ZSCAN5A: variants seen among roughly 807,000 people sequenced by gnomAD.
ZSCAN5A encodes zinc finger and SCAN domain-containing protein 5A.
Under a neutral mutation model 23.7 loss-of-function variants are expected in ZSCAN5A, and 12 were observed. That is an observed-to-expected ratio of 0.51 (90% CI 0.32 to 0.82). The LOEUF (loss-of-function observed/expected upper bound fraction) is 0.82. Ranked by LOEUF, ZSCAN5A falls within the 40% of genes least tolerant of loss-of-function variation. The pLI, the probability that ZSCAN5A is intolerant of heterozygous loss-of-function variation, is 0.03. For missense variants in ZSCAN5A, 597 were observed against 617.9 expected, an observed-to-expected ratio of 0.97 and a Z score of 0.36; for synonymous variants, 257 against 239.9, an observed-to-expected ratio of 1.07 and a Z score of -0.66.
At chr19:56,245,433 T>G in intron 2 of ZSCAN5A, 1 of 659,022 alleles carries the variant, frequency 1.5e-6, no homozygotes, top group African/African-American at 1.8e-5. Context: ...CAGGTGAGTG[T>G]GTGAGGCCCT....
At chr19:56,226,929 C>T (rs7248173) in intron 2 of ZSCAN5A, among the ~76,000 whole-genome samples, 114,965 of 151,906 alleles carry the variant, frequency 0.76, 43,486 homozygotes, top group Middle Eastern at 0.82. Flanking sequence ...GTTCAAATTA[C>T]AAAAAAAAAT....
chr19:56,301,806 G>A lies in ZSCAN5A; in HGVS notation c.-128+11477C>T, dbSNP rs368396222. On this transcript the variant is annotated intron_variant, in intron 2 of 5. Coordinates refer to ENST00000683990, the MANE Select transcript of ZSCAN5A (RefSeq NM_001322064.3). ...TCTGGAGTATGGTGGTAACCAAGAA[G>A]GGGGAAGCTGGCAGTGATGGTGGGT... The A allele has an allele frequency of 9.9e-6, 7 of 704,300 alleles. No individual in the cohort carries two copies. In the South Asian group the frequency reaches 3.8e-4, roughly 38 times the overall value. The allele number at this position is 704,300 out of a possible 1,614,324, so 43.6% of individuals were successfully genotyped here.
chr19:56,320,275 G>A (rs113305396), intron 2 of ZSCAN5A: 3 of 463,666 alleles, frequency 6.5e-6, no homozygotes, highest in African/African-American at 2.0e-5. Context: ...CGGACATTTA[G>A]AAAGGCCAGG....
At chr19:56,260,198 A>G (rs1488639144) in intron 2 of ZSCAN5A, among the ~76,000 whole-genome samples, 1 of 150,158 alleles carries the variant, frequency 6.7e-6, no homozygotes, top group African/African-American at 2.4e-5. Context: ...TGTTTTAGTA[A>G]TTAAATATTT....
intron 2 of ZSCAN5A, among the ~76,000 whole-genome samples, chr19:56,333,519 T>G (rs2041508072): frequency 6.6e-6 from 1 of 152,066 alleles, no homozygotes; most frequent in Non-Finnish European, 1.5e-5. Flanking sequence ...TTTTGACATG[T>G]TTATCTCTTC....
At chr19:56,293,019 T>A (rs1173040194) in intron 2 of ZSCAN5A, among the ~76,000 whole-genome samples, 5 of 152,220 alleles carry the variant, frequency 3.3e-5, no homozygotes, top group Non-Finnish European at 7.3e-5. Context: ...ACTCTTCTTT[T>A]GGTCCACATT....
chr19:56,290,221 G>C (rs1244121082), intron 2 of ZSCAN5A, among the ~76,000 whole-genome samples: 1 of 152,212 alleles, frequency 6.6e-6, no homozygotes, highest in Non-Finnish European at 1.5e-5. Context: ...CAGATGGTTT[G>C]AGAACTACTG....
At chr19:56,327,118 C>T (rs868389328) in intron 2 of ZSCAN5A, among the ~76,000 whole-genome samples, 3 of 151,582 alleles carry the variant, frequency 2.0e-5, no homozygotes, top group Non-Finnish European at 2.9e-5. Flanking sequence ...GGATTTACTA[C>T]ATTCGTCATG....
Position 56,221,367 on chromosome 19 carries a change from C to G in ZSCAN5A, c.*208G>C. On this transcript the variant is annotated 3_prime_UTR_variant, in exon 6 of 6. Coordinates refer to ENST00000683990, the MANE Select transcript of ZSCAN5A (RefSeq NM_001322064.3). Reference sequence around the variant, plus strand: ...GAACAGCAACACAAACCAAAATAAACCTATAAGAAAACAATGGACATAATG... The same window carrying G: ...GAACAGCAACACAAACCAAAATAAAGCTATAAGAAAACAATGGACATAATG... 1 of 526,134 alleles carries G rather than the reference C, an allele frequency of 1.9e-6. No homozygotes were observed. Among genetic ancestry groups the G allele is most frequent in the Middle Eastern group, 3.9e-4 (1 of 2,582 alleles). The allele number at this position is 526,134 out of a possible 1,614,324, so 32.6% of individuals were successfully genotyped here.
chr19:56,295,520 G>A (rs1187486711), intron 2 of ZSCAN5A, among the ~76,000 whole-genome samples: 4 of 151,992 alleles, frequency 2.6e-5, no homozygotes, highest in African/African-American at 7.3e-5. Context: ...GCTTGAACCC[G>A]GGAGGCAGAA....
At chr19:56,251,865 G>T (rs553276262) in intron 2 of ZSCAN5A, among the ~76,000 whole-genome samples, 3 of 152,244 alleles carry the variant, frequency 2.0e-5, no homozygotes, top group East Asian at 3.9e-4. Context: ...ACCTGGGCAA[G>T]AATTGTTTTT....
intron 1 of ZSCAN5A, among the ~76,000 whole-genome samples, chr19:56,367,573 A>C (rs548941702): frequency 6.6e-6 from 1 of 152,282 alleles, no homozygotes; most frequent in South Asian, 2.1e-4. Context: ...GAATCAAATG[A>C]CCTAAAAGCC....
intron 2 of ZSCAN5A, chr19:56,302,922 G>T (rs1452897102): frequency 5.0e-6 from 2 of 398,424 alleles, no homozygotes; most frequent in African/African-American, 4.1e-5. Flanking sequence ...TCCTAATTCT[G>T]TAAGGGAGGC....
At chr19:56,279,313 T>G (rs895423853) in intron 2 of ZSCAN5A, among the ~76,000 whole-genome samples, 2 of 152,136 alleles carry the variant, frequency 1.3e-5, no homozygotes, top group Admixed American at 1.3e-4. Flanking sequence ...ACTGCAAGAC[T>G]GTAAGTTCCT....
At chr19:56,361,512 G>GT (rs543608398) in intron 2 of ZSCAN5A, among the ~76,000 whole-genome samples, 274 of 152,258 alleles carry the variant, frequency 1.8e-3, no homozygotes, top group African/African-American at 6.4e-3. Context: ...ACACCATGGA[G>GT]TACTATGCAG....
chr19:56,267,974 C>A (rs980395422), intron 2 of ZSCAN5A, among the ~76,000 whole-genome samples: 1 of 152,170 alleles, frequency 6.6e-6, no homozygotes, highest in South Asian at 2.1e-4. Context: ...GAGGTTTGAT[C>A]CCGCACCTCT....
At position 56,221,822 on chromosome 19, in the gene ZSCAN5A, T is replaced by A. The variant is rs767645679; in HGVS notation, c.1244A>T (p.Asp415Val). The change falls in exon 6 of 6, where the codon GAC (aspartate) becomes GTC (valine). Residue 415 changes from aspartate to valine, a missense_variant. Asp to Val is a radical substitution (Grantham distance 152, BLOSUM62 -3). This residue lies in a region of ZSCAN5A where 406 missense variants were observed against 353.2 expected (regional missense o/e 1.15). Coordinates refer to ENST00000683990, the MANE Select transcript of ZSCAN5A (RefSeq NM_001322064.3). ...CTGGGTGAACTGCTTCTGGCAGACGTCACACGTGTAGGGCCTCTCGCCAGT... is the reference window on the plus strand; with the variant it reads ...CTGGGTGAACTGCTTCTGGCAGACGACACACGTGTAGGGCCTCTCGCCAGT... The part of the protein sequence containing the change: ...THTGERPYTC[D>V]VCQKQFTQKS... The A allele has an allele frequency of 2.5e-6, 4 of 1,614,002 alleles. No homozygotes were observed. The highest frequency in any genetic ancestry group is 1.1e-5 in the South Asian group (1 of 91,088).
At chr19:56,341,702 C>CAAAAAAAAAAGAAAAAAA (rs2041593665) in intron 2 of ZSCAN5A, among the ~76,000 whole-genome samples, 1 of 53,784 alleles carries the variant, frequency 1.9e-5, no homozygotes, top group African/African-American at 6.7e-5. Flanking sequence ...TACCAAAAGG[C>CAAAAAAAAAAGAAAAAAA]AAAAAAAAAA....
intron 2 of ZSCAN5A, chr19:56,312,114 G>A (rs981188112): frequency 6.6e-6 from 1 of 152,094 alleles, no homozygotes; most frequent in Non-Finnish European, 1.5e-5. Context: ...TTATTAATGA[G>A]ATCAGTTATA....
Sources: gnomAD v4.1 joint callset for allele counts (sites outside exome capture counted in the v4.1 genomes callset) on GRCh38, gnomAD v4.1.1 for gene constraint, gnomAD v4.1.1 regional missense constraint, MANE v1.5 for transcripts, NCBI Gene and HGNC (gene_info 2026-07-23, HGNC 2026-07-21) for gene names.